ATG7: variants seen among roughly 807,000 people sequenced by gnomAD.
ATG7 encodes the protein ubiquitin-like modifier-activating enzyme ATG7.
Under a neutral mutation model 82.4 loss-of-function variants are expected in ATG7, and 70 were observed. The ratio of observed to expected loss-of-function variants is 0.85; its 90% CI spans 0.70 to 1.04. The LOEUF is 1.04. ATG7 is among the 50% of genes least tolerant of loss of function. The probability of loss-of-function intolerance (pLI) is 0.00; values close to 1 mark genes in which losing one functional copy is unlikely to be tolerated. For missense variants in ATG7, 792 were observed against 864.3 expected, an observed-to-expected ratio of 0.92 and a Z score of 1.05; for synonymous variants, 287 against 313.0, an observed-to-expected ratio of 0.92 and a Z score of 0.88.
At chr3:11,356,940 C>T (rs1289363130) in intron 14 of ATG7, among the ~76,000 whole-genome samples, 1 of 152,168 alleles carries the variant, frequency 6.6e-6, no homozygotes, top group East Asian at 1.9e-4. Flanking sequence ...CAGGTCCTTT[C>T]CTGCTTTGCT....
chr3:11,466,071 C>T (rs534447010), intron 20 of ATG7, among the ~76,000 whole-genome samples: 92 of 152,322 alleles, frequency 6.0e-4, no homozygotes, highest in African/African-American at 2.1e-3. Context: ...GTTTTAGAAC[C>T]TAAAGTCTGC....
At chr3:11,537,200 T>A (rs2070390856) in intron 20 of ATG7, among the ~76,000 whole-genome samples, 1 of 152,190 alleles carries the variant, frequency 6.6e-6, no homozygotes, top group Non-Finnish European at 1.5e-5. Context: ...GGCTCCTTCC[T>A]TCCTTCCCAT....
At chr3:11,417,822 T>TTTAGACAGAGTC (rs2081529573) in intron 19 of ATG7, among the ~76,000 whole-genome samples, 1 of 144,414 alleles carries the variant, frequency 6.9e-6, no homozygotes, top group African/African-American at 2.5e-5. Flanking sequence ...TTTATTTTTT[T>TTTAGACAGAGTC]TTTTTTTGAG....
the ATG7 span, among the ~76,000 whole-genome samples, chr3:11,570,762 C>T: frequency 6.6e-6 from 1 of 152,264 alleles, no homozygotes; most frequent in East Asian, 1.9e-4. Context: ...CCCTTTTAGT[C>T]CCTTCCTCCA....
the ATG7 span, chr3:11,568,485 A>T: frequency 2.1e-5 from 29 of 1,390,582 alleles, no homozygotes; most frequent in African/African-American, 3.9e-4. The surrounding 1 kb of genome is among the most constrained non-coding windows in gnomAD (Gnocchi z 5.9). Flanking sequence ...CACTAACTGG[A>T]AAGACAGTCC....
intron 19 of ATG7, among the ~76,000 whole-genome samples, chr3:11,394,402 A>G (rs1226953682): frequency 6.6e-6 from 1 of 152,218 alleles, no homozygotes; most frequent in Admixed American, 6.5e-5. Flanking sequence ...ACATCAAATC[A>G]CTATTATAAG....
intron 1 of ATG7, among the ~76,000 whole-genome samples, chr3:11,278,762 T>C (rs1942434512): frequency 6.6e-6 from 1 of 152,246 alleles, no homozygotes. Flanking sequence ...GCTGACATGG[T>C]TCCTTTCTCA....
At chr3:11,406,426 C>T (rs2080344628) in intron 19 of ATG7, among the ~76,000 whole-genome samples, 2 of 152,192 alleles carry the variant, frequency 1.3e-5, no homozygotes, top group South Asian at 4.2e-4. Context: ...CCTCAGTCCC[C>T]CACCAAGTTA....
chr3:11,275,412 G>A (rs1197657944), intron 1 of ATG7, among the ~76,000 whole-genome samples: 1 of 148,454 alleles, frequency 6.7e-6, no homozygotes, highest in East Asian at 2.0e-4. Flanking sequence ...GCAGTGGCAC[G>A]ATCTCGGCTC....
chr3:11,568,526 C>T, the ATG7 span: 1 of 1,537,238 alleles, frequency 6.5e-7, no homozygotes, highest in African/African-American at 1.4e-5. This position sits in a 1 kb window ranked among gnomAD's most constrained non-coding sequence, Gnocchi z 5.9. Flanking sequence ...CACTATGGGT[C>T]AGACAAAGAC....
intron 11 of ATG7, 56 bp from the exon 12 acceptor site, chr3:11,340,580 TTGCTTGATC>T: frequency 3.5e-6 from 5 of 1,426,914 alleles, no homozygotes; most frequent in Non-Finnish European, 3.9e-6. Flanking sequence ...TGTAAGGTCG[TTGCTTGATC>T]TGCTTGTTTT....
chr3:11,553,898 TTC>T (rs2072098453), intron 20 of ATG7, among the ~76,000 whole-genome samples: 1 of 152,236 alleles, frequency 6.6e-6, no homozygotes, highest in Non-Finnish European at 1.5e-5. Context: ...ATGCTGTTCC[TTC>T]TCTCAGCTCT....
chr3:11,514,983 G>T (rs972906492), intron 20 of ATG7, among the ~76,000 whole-genome samples: 9 of 151,730 alleles, frequency 5.9e-5, no homozygotes, highest in Admixed American at 1.3e-4. Context: ...TGGGATTACA[G>T]GTGCGCACCA....
intron 20 of ATG7, among the ~76,000 whole-genome samples, chr3:11,550,359 C>T (rs2125058668): frequency 6.6e-6 from 1 of 151,714 alleles, no homozygotes; most frequent in Non-Finnish European, 1.5e-5. Flanking sequence ...GTGTCTTTGT[C>T]CACTTTTTAA....
At chr3:11,563,206 C>G in the ATG7 span, among the ~76,000 whole-genome samples, 1 of 152,332 alleles carries the variant, frequency 6.6e-6, no homozygotes, top group African/African-American at 2.4e-5. Flanking sequence ...GGGCCAGAGG[C>G]TGGATGTGGG....
intron 18 of ATG7, among the ~76,000 whole-genome samples, chr3:11,377,162 A>G (rs1417651419): frequency 6.6e-6 from 1 of 152,186 alleles, no homozygotes; most frequent in African/African-American, 2.4e-5. Flanking sequence ...CCACCTGTGG[A>G]AGTACCCCCT....
At chr3:11,400,935 C>T (rs1452506197) in intron 19 of ATG7, among the ~76,000 whole-genome samples, 2 of 152,110 alleles carry the variant, frequency 1.3e-5, no homozygotes, top group African/African-American at 4.8e-5. Flanking sequence ...AGTAAAACTG[C>T]TAAATAGTGA....
chr3:11,366,902 G>T (rs1197663003), intron 18 of ATG7, among the ~76,000 whole-genome samples: 3 of 150,634 alleles, frequency 2.0e-5, no homozygotes, highest in Admixed American at 2.0e-4. Context: ...GGATTATTTT[G>T]GTTGTTGGCC....
At chr3:11,572,645 G>A in the ATG7 span, among the ~76,000 whole-genome samples, 12 of 152,098 alleles carry the variant, frequency 7.9e-5, no homozygotes, top group Admixed American at 1.3e-4. Flanking sequence ...GCACACATCC[G>A]TCGCATGCTT....
Sources: gnomAD v4.1 joint callset for allele counts (sites outside exome capture counted in the v4.1 genomes callset) on GRCh38, gnomAD v4.1.1 for gene constraint, Gnocchi (gnomAD v3.1) non-coding constraint, MANE v1.5 for transcripts, NCBI Gene and HGNC (gene_info 2026-07-23, HGNC 2026-07-21) for gene names.